The following DCDC1 variants were observed in gnomAD, a reference collection of about 807,000 sequenced individuals.
DCDC1 encodes doublecortin domain containing 1, also known as doublecortin domain-containing protein 1.
Under a neutral mutation model 178.3 loss-of-function variants are expected in DCDC1, and 200 were observed. The ratio of observed to expected loss-of-function variants is 1.12; its 90% CI spans 1.00 to 1.26. DCDC1 has a LOEUF of 1.26. Among genes scored for constraint, DCDC1 ranks in the 50% most tolerant of loss-of-function variants. The pLI, the probability that DCDC1 is intolerant of heterozygous loss-of-function variation, is 0.00. For synonymous variants in DCDC1, 690 were observed against 604.8 expected (o/e 1.14, Z -2.07); for missense variants, 1,983 against 1,749.2 (o/e 1.13, Z -2.38).
rs561253970 is a variant in DCDC1 at position 30,880,019 on chromosome 11, G to T, written c.5233+1139C>A. Among the ~76,000 whole-genome samples the T allele has an allele frequency of 2.6e-5, 4 of 152,248 alleles. No homozygotes were observed. In the South Asian group the frequency reaches 8.3e-4, roughly 32 times the overall value. The stretch of plus-strand genomic sequence containing the variant: ...CGATTGTATTGTAATTATTTCACGT[G>T]TGTTCATATTTTTAATTAGATTGAA... On this transcript the variant is annotated intron_variant, in intron 37 of 38. Transcript: ENST00000684477.
At chr11:31,115,548 G>T (rs909487509) in intron 11 of DCDC1, among the ~76,000 whole-genome samples, 1 of 152,156 alleles carries the variant, frequency 6.6e-6, no homozygotes, top group Non-Finnish European at 1.5e-5. Flanking sequence ...TTTATTACTA[G>T]AGGTCTGGTG....
intron 20 of DCDC1, among the ~76,000 whole-genome samples, chr11:30,978,660 C>T (rs899483922): frequency 2.0e-5 from 3 of 151,934 alleles, no homozygotes; most frequent in Non-Finnish European, 4.4e-5. Flanking sequence ...TTGAAATATA[C>T]AACACCTTTT....
intron 6 of DCDC1, among the ~76,000 whole-genome samples, chr11:31,305,327 ATC>A (rs995911592): frequency 6.6e-6 from 1 of 152,178 alleles, no homozygotes; most frequent in African/African-American, 2.4e-5. Flanking sequence ...AAATTCAATA[ATC>A]TCTGATTTAA....
At chr11:31,229,962 C>A (rs1975549689) in intron 9 of DCDC1, among the ~76,000 whole-genome samples, 1 of 152,076 alleles carries the variant, frequency 6.6e-6, no homozygotes, top group African/African-American at 2.4e-5. Context: ...GAAAAGGATG[C>A]CCACTCTCAC....
chr11:31,063,497 T>C (rs1327915617), intron 20 of DCDC1, among the ~76,000 whole-genome samples: 2 of 152,174 alleles, frequency 1.3e-5, no homozygotes, highest in African/African-American at 2.4e-5. Flanking sequence ...GTGGCACATA[T>C]ACACCATGGA....
intron 11 of DCDC1, among the ~76,000 whole-genome samples, chr11:31,121,127 C>G (rs987569860): frequency 3.3e-5 from 5 of 151,966 alleles, no homozygotes; most frequent in African/African-American, 4.8e-5. Context: ...TTGAGTGTAA[C>G]CACTGATGGT....
At chr11:31,134,223 T>C (rs899828145) in intron 10 of DCDC1, among the ~76,000 whole-genome samples, 1 of 152,242 alleles carries the variant, frequency 6.6e-6, no homozygotes, top group Non-Finnish European at 1.5e-5. Flanking sequence ...GTTATGTTGA[T>C]AGCAACAAGG....
At chr11:31,297,162 C>T (rs1400064428) in intron 6 of DCDC1, among the ~76,000 whole-genome samples, 4 of 152,076 alleles carry the variant, frequency 2.6e-5, no homozygotes, top group Admixed American at 6.6e-5. Flanking sequence ...AAACTGAAGA[C>T]GGTCAGCAAA....
At position 31,127,558 on chromosome 11, in the gene DCDC1, C is replaced by T. The variant is rs1427380805; in HGVS notation, c.1396G>A (p.Ala466Thr). ...HLCKLGPQLQ[A>T]EQEQFSSYVY... Reference sequence around the variant, plus strand: ...TAAGAGGAGAATTGCTCCTGCTCAGCCTGTAATTGGGGGCCAAGTTTACAG... The same window carrying T: ...TAAGAGGAGAATTGCTCCTGCTCAGTCTGTAATTGGGGGCCAAGTTTACAG... The change falls in exon 11 of 39, where the codon GCT (alanine) becomes ACT (threonine). Residue 466 changes from alanine to threonine, a missense_variant. By Grantham distance (58) the Ala-to-Thr change is moderately conservative. Coordinates refer to ENST00000684477, the MANE Select transcript of DCDC1 (RefSeq NM_001387274.1). The T allele has an allele frequency of 2.8e-6, 2 of 702,606 alleles. No individual in the cohort carries two copies. Among genetic ancestry groups the T allele is most frequent in the African/African-American group, 3.5e-5 (2 of 57,222 alleles). 43.5% of individuals were successfully genotyped at this position (702,606 alleles called of 1,614,324 possible).
At chr11:31,084,987 G>A (rs1318097289) in intron 17 of DCDC1, among the ~76,000 whole-genome samples, 1 of 151,258 alleles carries the variant, frequency 6.6e-6, no homozygotes, top group Non-Finnish European at 1.5e-5. Context: ...TGCCTAGTGA[G>A]AGTCCTGGGC....
At chr11:31,060,544 G>C (rs1324053046) in intron 20 of DCDC1, among the ~76,000 whole-genome samples, 3 of 152,018 alleles carry the variant, frequency 2.0e-5, no homozygotes, top group South Asian at 2.1e-4. Flanking sequence ...TTAGATAAAA[G>C]TTTATTTTAA....
chr11:31,240,069 T>C (rs1305989799), intron 9 of DCDC1, among the ~76,000 whole-genome samples: 4 of 151,896 alleles, frequency 2.6e-5, no homozygotes, highest in African/African-American at 9.7e-5. Flanking sequence ...TGGAGAATTG[T>C]CTCATTATTT....
rs1438193009 is a variant in DCDC1 at position 31,004,744 on chromosome 11, T to C, written c.2592-52176A>G. Reference sequence around the variant, plus strand: ...GACTGACGGGGTTCAAATTCCTGTGTTACCTCCCAACAGCAGTGTAACCAT... The same window carrying C: ...GACTGACGGGGTTCAAATTCCTGTGCTACCTCCCAACAGCAGTGTAACCAT... On this transcript the variant is annotated intron_variant, in intron 20 of 38. Transcript: ENST00000684477. Among the ~76,000 whole-genome samples, 3 of 151,700 alleles carry C rather than the reference T, an allele frequency of 2.0e-5. No individual in the cohort carries two copies. The East Asian group carries it at 5.8e-4, about 29-fold the overall frequency.
chr11:31,147,371 T>C (rs1964559966), intron 9 of DCDC1, among the ~76,000 whole-genome samples: 1 of 152,154 alleles, frequency 6.6e-6, no homozygotes, highest in African/African-American at 2.4e-5. Flanking sequence ...AAATTTTCTC[T>C]CAAGGAAACA....
chr11:31,159,262 C>G (rs1565365202), intron 9 of DCDC1, among the ~76,000 whole-genome samples: 1 of 152,188 alleles, frequency 6.6e-6, no homozygotes, highest in Non-Finnish European at 1.5e-5. Flanking sequence ...ACCAAAATAG[C>G]TGCTTTCCTC....
intron 37 of DCDC1, among the ~76,000 whole-genome samples, 176 bp downstream of exon 37, chr11:30,880,982 T>C (rs1247490588): frequency 6.6e-6 from 1 of 152,214 alleles, no homozygotes. Context: ...GCAAACAGTG[T>C]TAACACGAGG....
At chr11:30,940,765 C>T (rs972679787) in intron 21 of DCDC1, among the ~76,000 whole-genome samples, 3 of 152,052 alleles carry the variant, frequency 2.0e-5, no homozygotes, top group Non-Finnish European at 4.4e-5. Context: ...GGTTTCTGCT[C>T]TTACAATTTA....
At chr11:31,158,691 A>T (rs995268383) in intron 9 of DCDC1, among the ~76,000 whole-genome samples, 1 of 152,154 alleles carries the variant, frequency 6.6e-6, no homozygotes, top group African/African-American at 2.4e-5. Context: ...TTCATTATAA[A>T]TGTTTTGAAT....
chr11:31,132,520 C>CT (rs771500230), intron 10 of DCDC1, among the ~76,000 whole-genome samples: 12 of 150,718 alleles, frequency 8.0e-5, no homozygotes, highest in South Asian at 2.1e-4. Flanking sequence ...TCTTCAAATC[C>CT]TTTTTTTTTC....
Sources: allele counts gnomAD v4.1 joint callset (sites outside exome capture counted in the v4.1 genomes callset), GRCh38; gene constraint gnomAD v4.1.1; transcripts MANE v1.5; gene names NCBI Gene and HGNC (gene_info 2026-07-23, HGNC 2026-07-21).